Variants in CHRM3 observed in about 807,000 individuals in gnomAD.
CHRM3 encodes muscarinic acetylcholine receptor M3.
Under a neutral mutation model 41.8 loss-of-function variants are expected in CHRM3, and 11 were observed. The ratio of observed to expected loss-of-function variants is 0.26; its 90% CI spans 0.17 to 0.44. CHRM3 has a LOEUF of 0.44. CHRM3 is among the 20% of genes least tolerant of loss of function. The pLI is 1.00. For synonymous variants in CHRM3, 297 were observed against 301.4 expected (o/e 0.99, Z 0.15); for missense variants, 571 against 745.4 (o/e 0.77, Z 2.72).
At chr1:239,692,748 A>G (rs1378509147) in intron 5 of CHRM3, among the ~76,000 whole-genome samples, 1 of 152,178 alleles carries the variant, frequency 6.6e-6, no homozygotes, top group Non-Finnish European at 1.5e-5. Context: ...TGTAAGGAAA[A>G]AAACAGACAG....
At chr1:239,474,599 T>G (rs953167573) in intron 1 of CHRM3, among the ~76,000 whole-genome samples, 28 of 152,198 alleles carry the variant, frequency 1.8e-4, no homozygotes, top group African/African-American at 6.5e-4. Flanking sequence ...TGATGTATTA[T>G]GGAAATATAA....
chr1:239,806,318 A>G (rs904255503), intron 5 of CHRM3, among the ~76,000 whole-genome samples: 1 of 151,974 alleles, frequency 6.6e-6, no homozygotes. Flanking sequence ...TGCAGTATCC[A>G]ATGGGATGGA....
intron 1 of CHRM3, among the ~76,000 whole-genome samples, chr1:239,466,139 G>A (rs113286584): frequency 2.6e-5 from 4 of 151,780 alleles, no homozygotes; most frequent in Non-Finnish European, 2.9e-5. Flanking sequence ...GATTACAGGC[G>A]CCCGCCACCA....
At chr1:239,613,073 G>A (rs751156753) in intron 3 of CHRM3, among the ~76,000 whole-genome samples, 15 of 152,156 alleles carry the variant, frequency 9.9e-5, no homozygotes, top group Non-Finnish European at 1.6e-4. Context: ...GACTGCTGCC[G>A]AAAACTATAT....
intron 3 of CHRM3, among the ~76,000 whole-genome samples, chr1:239,584,258 C>T (rs1158581603): frequency 4.0e-5 from 6 of 151,868 alleles, no homozygotes; most frequent in African/African-American, 1.2e-4. Flanking sequence ...TGTGTGCCAC[C>T]ATGCCTGGCT....
intron 3 of CHRM3, among the ~76,000 whole-genome samples, chr1:239,630,902 G>A (rs1376283248): frequency 6.6e-6 from 1 of 152,060 alleles, no homozygotes; most frequent in Non-Finnish European, 1.5e-5. Context: ...GGCCGGGGGA[G>A]GGCAGCAGTG....
At chr1:239,532,005 C>CTT (rs1657617408) in intron 2 of CHRM3, among the ~76,000 whole-genome samples, 1 of 98,544 alleles carries the variant, frequency 1.0e-5, no homozygotes, top group African/African-American at 3.7e-5. Flanking sequence ...TCTTTTCCTT[C>CTT]TTTCTTTTTT....
chr1:239,711,415 C>CA (rs1177382173), intron 5 of CHRM3, among the ~76,000 whole-genome samples: 28 of 151,966 alleles, frequency 1.8e-4, no homozygotes, highest in Non-Finnish European at 2.9e-5. Context: ...CTTGGCCACC[C>CA]AGACCCCCCA....
At chr1:239,745,653 A>G (rs1474323930) in intron 5 of CHRM3, among the ~76,000 whole-genome samples, 2 of 151,658 alleles carry the variant, frequency 1.3e-5, no homozygotes, top group Admixed American at 1.3e-4. Flanking sequence ...ACCCGCCCCC[A>G]CCACCCTTTA....
chr1:239,492,454 A>G (rs937332391), intron 1 of CHRM3, among the ~76,000 whole-genome samples: 8 of 152,210 alleles, frequency 5.3e-5, no homozygotes, highest in African/African-American at 1.9e-4. Flanking sequence ...AGTGTGCTTT[A>G]TCTAAATAGG....
In CHRM3 at chr1:239,864,284, A is replaced by G. The variant is rs1228016964; in HGVS notation, c.-20+36906A>G. On this transcript the variant is annotated intron_variant, in intron 6 of 6. Coordinates refer to ENST00000676153, the MANE Select transcript of CHRM3 (RefSeq NM_001375978.1). ...CACTTTGGGAGGCTGAGGCGGGCAG[A>G]TCACCCGAGGTCGAGAGTTTGAGAC... Among the ~76,000 whole-genome samples, 5 of 152,282 alleles carry G rather than the reference A, an allele frequency of 3.3e-5. No individual in the cohort carries two copies. In the South Asian group the frequency reaches 8.3e-4, roughly 25 times the overall value.
At chr1:239,894,586 C>T (rs2116375) in intron 6 of CHRM3, among the ~76,000 whole-genome samples, 137,767 of 152,158 alleles carry the variant, frequency 0.91, 62,552 homozygotes, top group African/African-American at 0.97. Context: ...GTGTGTGCCA[C>T]CATACCTGGC....
intron 2 of CHRM3, among the ~76,000 whole-genome samples, chr1:239,538,302 C>G (rs1469059397): frequency 3.3e-5 from 5 of 152,156 alleles, no homozygotes. Context: ...CTTTTTCCCT[C>G]AGGAAGATGC....
At chr1:239,394,262 A>T (rs1173302504) in intron 1 of CHRM3, among the ~76,000 whole-genome samples, 1 of 152,188 alleles carries the variant, frequency 6.6e-6, no homozygotes, top group Non-Finnish European at 1.5e-5. Flanking sequence ...ACCCTAGGGG[A>T]GAATCCTTCC....
At chr1:239,835,863 T>C (rs1673273751) in intron 6 of CHRM3, among the ~76,000 whole-genome samples, 1 of 152,266 alleles carries the variant, frequency 6.6e-6, no homozygotes, top group African/African-American at 2.4e-5. Flanking sequence ...AATTACTGCA[T>C]TTCAGGTTTT....
At chr1:239,759,164 T>TTG (rs1187573468) in intron 5 of CHRM3, among the ~76,000 whole-genome samples, 1 of 135,310 alleles carries the variant, frequency 7.4e-6, no homozygotes, top group African/African-American at 3.2e-5. Context: ...TGGGTTTTTT[T>TTG]TTTTGTTTTT....
intron 3 of CHRM3, among the ~76,000 whole-genome samples, chr1:239,606,420 C>A (rs1000460759): frequency 6.6e-6 from 1 of 151,940 alleles, no homozygotes; most frequent in South Asian, 2.1e-4. Flanking sequence ...GGACTACAGG[C>A]GCCCACCAGC....
chr1:239,870,868 G>C (rs923224883), intron 6 of CHRM3, among the ~76,000 whole-genome samples: 1 of 152,278 alleles, frequency 6.6e-6, no homozygotes, highest in African/African-American at 2.4e-5. Context: ...ACATTCATTA[G>C]TTTTCGCCTA....
intron 5 of CHRM3, among the ~76,000 whole-genome samples, chr1:239,761,912 A>G (rs553903704): frequency 6.6e-6 from 1 of 152,320 alleles, no homozygotes; most frequent in East Asian, 1.9e-4. Flanking sequence ...TTCCCAATTC[A>G]GTCTCTCCAA....
Sources: allele counts gnomAD v4.1 joint callset (sites outside exome capture counted in the v4.1 genomes callset), GRCh38; gene constraint gnomAD v4.1.1; transcripts MANE v1.5; gene names NCBI Gene and HGNC (gene_info 2026-07-23, HGNC 2026-07-21).